PPA2: variants seen among roughly 807,000 people sequenced by gnomAD.
PPA2 encodes the protein inorganic pyrophosphatase 2, mitochondrial.
A neutral mutation model predicts 49.5 loss-of-function variants in PPA2; 48 were observed. The observed-to-expected ratio is 0.97, with a 90% confidence interval of 0.77 to 1.23. The LOEUF (loss-of-function observed/expected upper bound fraction) is 1.23. Ranked by LOEUF, PPA2 falls within the 50% of genes most tolerant of loss-of-function variation. The pLI, the probability that PPA2 is intolerant of heterozygous loss-of-function variation, is 0.00. For synonymous variants in PPA2, 131 were observed against 139.9 expected (o/e 0.94, Z 0.45); for missense variants, 429 against 410.1 (o/e 1.05, Z -0.40).
At chr4:105,462,785 T>A (rs1029304561) in intron 1 of PPA2, among the ~76,000 whole-genome samples, 1 of 152,210 alleles carries the variant, frequency 6.6e-6, no homozygotes, top group African/African-American at 2.4e-5. Flanking sequence ...GTTCTCATGA[T>A]AGTAAGTCTC....
At chr4:105,439,036 C>G (rs974093903) in intron 5 of PPA2, among the ~76,000 whole-genome samples, 1 of 151,866 alleles carries the variant, frequency 6.6e-6, no homozygotes, top group Non-Finnish European at 1.5e-5. Flanking sequence ...TAAATGAAGT[C>G]CAACAACATT....
intron 5 of PPA2, among the ~76,000 whole-genome samples, chr4:105,438,562 C>T (rs1724183178): frequency 6.6e-6 from 1 of 152,212 alleles, no homozygotes; most frequent in African/African-American, 2.4e-5. Flanking sequence ...AAATCCTCTA[C>T]CTGTCAAATC....
At chr4:105,394,642 G>T (rs1256954996) in intron 9 of PPA2, among the ~76,000 whole-genome samples, 1 of 152,074 alleles carries the variant, frequency 6.6e-6, no homozygotes, top group Non-Finnish European at 1.5e-5. Flanking sequence ...TACTCAGGAG[G>T]CTATAGCAAA....
chr4:105,436,227 T>TACAC (rs368827719), intron 6 of PPA2, among the ~76,000 whole-genome samples: 2 of 149,898 alleles, frequency 1.3e-5, no homozygotes. Flanking sequence ...ACACGCATCA[T>TACAC]ACACACACAC....
At chr4:105,418,966 A>G (rs542493092) in intron 7 of PPA2, among the ~76,000 whole-genome samples, 1 of 152,318 alleles carries the variant, frequency 6.6e-6, no homozygotes, top group African/African-American at 2.4e-5. Context: ...AAAAAGCTCT[A>G]AACTTGGTTA....
intron 10 of PPA2, among the ~76,000 whole-genome samples, chr4:105,373,769 A>ACACG (rs1310589663): frequency 2.5e-5 from 2 of 79,310 alleles, no homozygotes; most frequent in Non-Finnish European, 7.3e-5. Context: ...ATTTAAATAC[A>ACACG]CACACACACA....
At chr4:105,473,307 T>G in intron 1 of PPA2, 1 of 205,964 alleles carries the variant, frequency 4.9e-6, no homozygotes, top group Non-Finnish European at 1.0e-5. Flanking sequence ...CTTTGGATGG[T>G]GGATCACACT....
upstream of PPA2, chr4:105,474,064 G>C (rs761088771): frequency 2.6e-6 from 4 of 1,538,878 alleles, no homozygotes; most frequent in African/African-American, 5.5e-5. Context: ...GTCAATGACG[G>C]TCCTGCTGTG....
At chr4:105,468,231 G>A (rs72668268) in intron 1 of PPA2, among the ~76,000 whole-genome samples, 3,787 of 152,252 alleles carry the variant, frequency 0.025, 65 homozygotes, top group Non-Finnish European at 0.038. Flanking sequence ...GCCCTTTACA[G>A]AAAACTTTGC....
intron 1 of PPA2, among the ~76,000 whole-genome samples, chr4:105,460,889 G>C (rs1723064229): frequency 1.5e-5 from 2 of 136,728 alleles, no homozygotes; most frequent in Middle Eastern, 7.3e-3. Context: ...TTGTCATTTG[G>C]AAGGTAAAAA....
chr4:105,453,600 C>A lies in PPA2; in HGVS notation c.265G>T (p.Glu89Ter). 2 of 1,602,990 alleles carry A rather than the reference C, an allele frequency of 1.2e-6. No individual in the cohort carries two copies. Among genetic ancestry groups the A allele is most frequent in the Non-Finnish European group, 1.7e-6 (2 of 1,173,532 alleles). ...PMKKARNDEY[E>*]NLFNMIVEIP... is the part of the protein sequence containing the mutation. ...AAAATAAAAACCTTTGGATATACCT[C>A]ATATTCATCATTTCGTGCTTTCTTC... is the stretch of plus-strand genomic sequence containing the variant. The change falls in exon 3 of 12, where the codon GAG becomes TAG. Residue 89 changes from glutamate to a stop codon, truncating the protein, a stop_gained and splice_region_variant. Coordinates refer to ENST00000341695, the MANE Select transcript of PPA2 (RefSeq NM_176869.3). LOFTEE classifies it high-confidence loss of function.
intron 1 of PPA2, among the ~76,000 whole-genome samples, chr4:105,466,540 C>G (rs186630787): frequency 3.9e-5 from 6 of 152,244 alleles, no homozygotes; most frequent in Non-Finnish European, 8.8e-5. Flanking sequence ...CTTGCCTCCT[C>G]AGAAGAAAGA....
chr4:105,394,932 G>C (rs559886298), intron 9 of PPA2, among the ~76,000 whole-genome samples: 1 of 152,230 alleles, frequency 6.6e-6, no homozygotes, highest in Admixed American at 6.5e-5. Flanking sequence ...TTACACTGGA[G>C]TCTTAATTTT....
At chr4:105,464,202 G>C (rs1421100662) in intron 1 of PPA2, among the ~76,000 whole-genome samples, 1 of 152,206 alleles carries the variant, frequency 6.6e-6, no homozygotes, top group African/African-American at 2.4e-5. Flanking sequence ...CGTGACCTGG[G>C]TGTGAGACAC....
chr4:105,432,280 AAATACTTACG>A, intron 6 of PPA2, among the ~76,000 whole-genome samples: 1 of 152,302 alleles, frequency 6.6e-6, no homozygotes, highest in South Asian at 2.1e-4. Flanking sequence ...ATAATGAACA[AAATACTTACG>A]TTTTTGTGTT....
rs886755843 is a variant in PPA2 at position 105,439,506 on chromosome 4, T to A, written c.442-1470A>T. On this transcript the variant is annotated intron_variant, in intron 5 of 11. Transcript: ENST00000341695. Reference sequence around the variant, plus strand: ...TTTTCTATTAACAGGCATTCATTCATACAGTAAAACATTTATTGAGTACCT... The same window carrying A: ...TTTTCTATTAACAGGCATTCATTCAAACAGTAAAACATTTATTGAGTACCT... 4.6e-5 allele frequency among the ~76,000 whole-genome samples: 7 copies of A among 152,142 alleles called. No homozygotes were observed. In the East Asian group the frequency reaches 1.2e-3, roughly 25 times the overall value.
intron 9 of PPA2, among the ~76,000 whole-genome samples, chr4:105,394,373 CAAAAAAAAAA>C (rs34736301): frequency 9.3e-5 from 9 of 96,918 alleles, no homozygotes; most frequent in Non-Finnish European, 1.8e-4. Flanking sequence ...GATTCCATTT[CAAAAAAAAAA>C]AAAAAAAGAA....
chr4:105,430,478 T>C (rs1479429392), intron 6 of PPA2, among the ~76,000 whole-genome samples: 1 of 152,238 alleles, frequency 6.6e-6, no homozygotes, highest in African/African-American at 2.4e-5. Flanking sequence ...TACAATCTTA[T>C]TTGGGTGACT....
At chr4:105,452,597 T>C (rs554236499) in intron 3 of PPA2, among the ~76,000 whole-genome samples, 21 of 151,982 alleles carry the variant, frequency 1.4e-4, no homozygotes, top group Non-Finnish European at 2.6e-4. Flanking sequence ...CAGGCAAAGG[T>C]TGTAGGAATT....
Sources: allele counts gnomAD v4.1 joint callset (sites outside exome capture counted in the v4.1 genomes callset), GRCh38; gene constraint gnomAD v4.1.1; transcripts MANE v1.5; gene names NCBI Gene and HGNC (gene_info 2026-07-23, HGNC 2026-07-21).